The following UBE2W variants were observed in gnomAD, a reference collection of about 807,000 sequenced individuals.
UBE2W encodes ubiquitin conjugating enzyme E2 W, also known as ubiquitin-conjugating enzyme E2 W.
Under a neutral mutation model 27.2 loss-of-function variants are expected in UBE2W, and 18 were observed. That is an observed-to-expected ratio of 0.66 (90% CI 0.46 to 0.98). The LOEUF (loss-of-function observed/expected upper bound fraction) is 0.98, where lower values mean the gene tolerates loss of function less well. Ranked by LOEUF, UBE2W falls within the 50% of genes least tolerant of loss-of-function variation. UBE2W has a pLI of 0.00. For missense variants in UBE2W, 90 were observed against 180.2 expected, an observed-to-expected ratio of 0.50 and a Z score of 2.87; for synonymous variants, 53 against 57.2, an observed-to-expected ratio of 0.93 and a Z score of 0.33.
At chr8:73,817,207 A>T (rs1809429262) in intron 3 of UBE2W, among the ~76,000 whole-genome samples, 1 of 151,942 alleles carries the variant, frequency 6.6e-6, no homozygotes, top group South Asian at 2.1e-4. Flanking sequence ...GCACGCTTGT[A>T]ATCCCAGCTA....
Position 73,787,077 on chromosome 8 carries a change from A to AT in UBE2W, c.*7024dup. 1 of 985,438 alleles carries AT rather than the reference A, an allele frequency of 1.0e-6. No individual in the cohort carries two copies. The highest frequency in any genetic ancestry group is 1.2e-6 in the Non-Finnish European group (1 of 829,926). The allele number at this position is 985,438 out of a possible 1,614,324, so 61.0% of individuals were successfully genotyped here. ...ATAAACTTTCCTTATTATTTCCATA[A>AT]TCCACTTAACTGTAAAGGGCGTAGG... is the stretch of plus-strand genomic sequence containing the variant. On this transcript the variant is annotated 3_prime_UTR_variant, in exon 6 of 6. Transcript: ENST00000602593.
intron 1 of UBE2W, chr8:73,870,203 A>G: frequency 6.6e-7 from 1 of 1,506,362 alleles, no homozygotes; most frequent in Non-Finnish European, 9.0e-7. Context: ...GGACTTTAAT[A>G]GCTCACAATT....
In UBE2W at chr8:73,805,670, T is replaced by C; in HGVS notation, c.423A>G (p.Lys141=). ...YVRTCNKNPK[K]TKWWYHDDTC is the part of the protein sequence containing the mutation. ...GCTTACCATGATACCACCATTTTGT[T>C]TTCTTTGGATTCTTGTTACATGTTC... The change falls in exon 5 of 6, where the codon AAA becomes AAG. Residue 141 remains lysine (K), a synonymous_variant. Transcript: ENST00000602593. 6.5e-7 allele frequency: 1 copy of C among 1,547,390 alleles called. No individual in the cohort carries two copies. The highest frequency in any genetic ancestry group is 8.8e-7 in the Non-Finnish European group (1 of 1,142,144).
chr8:73,800,610 C>T lies in UBE2W; in HGVS notation c.442+5041G>A, dbSNP rs544405388. ...AACTTTAATCTGTTTATTGGAAAAA[C>T]TAATTACTGTATGAACTTCAGACTA... On this transcript the variant is annotated intron_variant, in intron 5 of 5. Coordinates refer to ENST00000602593, the MANE Select transcript of UBE2W (RefSeq NM_018299.6). Among the ~76,000 whole-genome samples, 10 of 152,186 alleles carry T rather than the reference C, an allele frequency of 6.6e-5. No individual in the cohort carries two copies. The East Asian group carries it at 1.9e-3, about 29-fold the overall frequency.
At chr8:73,876,342 T>C (rs183143454) in intron 1 of UBE2W, among the ~76,000 whole-genome samples, 19 of 152,246 alleles carry the variant, frequency 1.2e-4, no homozygotes, top group African/African-American at 4.1e-4. Context: ...AAATTCTGTA[T>C]AACAAAGATA....
chr8:73,786,216 CAATGAAG>C (rs1807948985), exon 6 of UBE2W: 1 of 985,128 alleles, frequency 1.0e-6, no homozygotes, highest in South Asian at 4.7e-5. Context: ...AAGCCAAAAC[CAATGAAG>C]AATGATTAAT....
chr8:73,835,813 C>A lies in UBE2W; in HGVS notation c.16-5341G>T, dbSNP rs983396591. Among the ~76,000 whole-genome samples the A allele has an allele frequency of 2.6e-5, 4 of 152,120 alleles. No individual in the cohort carries two copies. In the East Asian group the frequency reaches 5.8e-4, roughly 22 times the overall value. ...AATTCTCTCTCTCAAATCACTTGCT[C>A]TGGAGGAATCAAGCTATCATGTTGA... On this transcript the variant is annotated intron_variant, in intron 1 of 5. Coordinates refer to ENST00000602593, the MANE Select transcript of UBE2W (RefSeq NM_018299.6).
At chr8:73,822,601 G>GGAAA (rs1809660519) in intron 3 of UBE2W, among the ~76,000 whole-genome samples, 1 of 5,148 alleles carries the variant, frequency 1.9e-4, no homozygotes, top group Admixed American at 4.9e-3. Context: ...TCTTGCAACT[G>GGAAA]CAAAAAAAAA....
intron 1 of UBE2W, among the ~76,000 whole-genome samples, chr8:73,873,650 T>G (rs998656645): frequency 6.6e-6 from 1 of 152,168 alleles, no homozygotes; most frequent in Non-Finnish European, 1.5e-5. Flanking sequence ...AGTGAGACCC[T>G]GTCTCAGAGA....
At chr8:73,838,583 A>AAAAAGAGATG (rs2130922995) in intron 1 of UBE2W, among the ~76,000 whole-genome samples, 1 of 152,312 alleles carries the variant, frequency 6.6e-6, no homozygotes, top group Admixed American at 6.5e-5. Flanking sequence ...CTAGGGAAAG[A>AAAAAGAGATG]AAAAGAGATG....
rs1050815987 is a variant in UBE2W at position 73,787,283 on chromosome 8, T to C, written c.*6819A>G. 35 of 985,348 alleles carry C rather than the reference T, an allele frequency of 3.6e-5. No individual in the cohort carries two copies. Among genetic ancestry groups the C allele is most frequent in the Non-Finnish European group, 1.9e-5 (16 of 829,942 alleles). 61.0% of individuals were successfully genotyped at this position (985,348 alleles called of 1,614,324 possible). A position where few individuals can be genotyped will look rare whatever the true frequency, so the allele number is the denominator to read the frequency against. ...ACTTGCTTCTTCAATTTAGCTTATG[T>C]TTAATTTTGTTACGTGTTATGTTAG... On this transcript the variant is annotated 3_prime_UTR_variant, in exon 6 of 6. Coordinates refer to ENST00000602593, the MANE Select transcript of UBE2W (RefSeq NM_018299.6).
chr8:73,859,692 C>T (rs1304470205), intron 1 of UBE2W, among the ~76,000 whole-genome samples: 4 of 152,010 alleles, frequency 2.6e-5, no homozygotes, highest in South Asian at 2.1e-4. Flanking sequence ...AAGTTATATA[C>T]GGATTTTTGA....
chr8:73,845,618 CAT>C (rs1194630250), intron 1 of UBE2W, among the ~76,000 whole-genome samples: 3 of 152,182 alleles, frequency 2.0e-5, no homozygotes, highest in African/African-American at 2.4e-5. Flanking sequence ...CCTTTGTTCA[CAT>C]GTTTATCTGC....
chr8:73,788,767 A>G lies in UBE2W; in HGVS notation c.*5335T>C. 2.0e-6 allele frequency: 2 copies of G among 985,440 alleles called. No homozygotes were observed. Among genetic ancestry groups the G allele is most frequent in the Non-Finnish European group, 2.4e-6 (2 of 829,928 alleles). The allele number at this position is 985,440 out of a possible 1,614,324, so 61.0% of individuals were successfully genotyped here. A position where few individuals can be genotyped will look rare whatever the true frequency, so the allele number is the denominator to read the frequency against. ...TGAGAAAACAACTTAGAATCGTTGT[A>G]GGACCATCCTTTTCTCAAAACCCAG... On this transcript the variant is annotated 3_prime_UTR_variant, in exon 6 of 6. Coordinates refer to ENST00000602593, the MANE Select transcript of UBE2W (RefSeq NM_018299.6).
chr8:73,802,158 A>C (rs545942520), intron 5 of UBE2W, among the ~76,000 whole-genome samples: 1 of 152,328 alleles, frequency 6.6e-6, no homozygotes, highest in South Asian at 2.1e-4. Flanking sequence ...TTGCTCTTGA[A>C]TTTTAAGCTT....
At position 73,793,349 on chromosome 8, in the gene UBE2W, T is replaced by A. The variant is rs546723107; in HGVS notation, c.*753A>T. ...AGCCTTGATTAAACCATTCATACCC[T>A]ATATTACTCATACCTTTACTTCAGA... On this transcript the variant is annotated 3_prime_UTR_variant, in exon 6 of 6. Transcript: ENST00000602593. 90 of 985,738 alleles carry A rather than the reference T, an allele frequency of 9.1e-5. No individual in the cohort carries two copies. Among genetic ancestry groups the A allele is most frequent in the Non-Finnish European group, 1.0e-4 (85 of 829,914 alleles). 61.1% of individuals were successfully genotyped at this position (985,738 alleles called of 1,614,324 possible).
In UBE2W at chr8:73,786,478, C is replaced by T. The variant is rs1179755415; in HGVS notation, c.*7624G>A. ...GTGCTACGTGCTGGGGACACAAACA[C>T]AATTGCAACACTGTCCCTACTGTTA... On this transcript the variant is annotated 3_prime_UTR_variant, in exon 6 of 6. Coordinates refer to ENST00000602593, the MANE Select transcript of UBE2W (RefSeq NM_018299.6). 2.0e-6 allele frequency: 2 copies of T among 985,238 alleles called. No homozygotes were observed. Among genetic ancestry groups the T allele is most frequent in the African/African-American group, 3.5e-5 (2 of 57,224 alleles). 61.0% of individuals were successfully genotyped at this position (985,238 alleles called of 1,614,324 possible). A position where few individuals can be genotyped will look rare whatever the true frequency, so the allele number is the denominator to read the frequency against.
At chr8:73,845,141 G>A (rs892160152) in intron 1 of UBE2W, among the ~76,000 whole-genome samples, 6 of 90,324 alleles carry the variant, frequency 6.6e-5, no homozygotes, top group East Asian at 4.1e-4. Flanking sequence ...GGTGGTGGGC[G>A]CCTCTGCCCG....
At chr8:73,859,029 T>G (rs918814542) in intron 1 of UBE2W, among the ~76,000 whole-genome samples, 6 of 151,250 alleles carry the variant, frequency 4.0e-5, no homozygotes, top group African/African-American at 1.5e-4. Context: ...GTGGTTTTTT[T>G]GCTTTCTTTT....
Sources: gnomAD v4.1 joint callset for allele counts (sites outside exome capture counted in the v4.1 genomes callset) on GRCh38, gnomAD v4.1.1 for gene constraint, MANE v1.5 for transcripts, NCBI Gene and HGNC (gene_info 2026-07-23, HGNC 2026-07-21) for gene names.